LINGO2: variants seen among roughly 807,000 people sequenced by gnomAD.
LINGO2 encodes leucine-rich repeat and immunoglobulin-like domain-containing nogo receptor-interacting protein 2.
A neutral mutation model predicts 30.6 loss-of-function variants in LINGO2; 14 were observed. The observed-to-expected ratio is 0.46, with a 90% CI of 0.30 to 0.72. LINGO2 has a LOEUF of 0.72. Among genes scored for constraint, LINGO2 ranks in the 30% least tolerant of loss-of-function variants. The pLI, the probability that LINGO2 is intolerant of heterozygous loss-of-function variation, is 0.07. For synonymous variants in LINGO2, 317 were observed against 288.5 expected, an observed-to-expected ratio of 1.10 and a Z score of -1.00; for missense variants, 729 against 751.7, an observed-to-expected ratio of 0.97 and a Z score of 0.35.
intron 4 of LINGO2, among the ~76,000 whole-genome samples, chr9:28,019,695 C>T (rs1277763011): frequency 6.6e-6 from 1 of 151,942 alleles, no homozygotes; most frequent in African/African-American, 2.4e-5. Flanking sequence ...ACTGACTCTA[C>T]CATTCTATTT....
chr9:28,601,804 G>C (rs1211677337), intron 1 of LINGO2, among the ~76,000 whole-genome samples: 1 of 151,974 alleles, frequency 6.6e-6, no homozygotes, highest in Non-Finnish European at 1.5e-5. Context: ...AAGCTACCAA[G>C]TTTGCTTTAC....
In LINGO2 at chr9:28,589,688, G is replaced by A. The variant is rs1458498229; in HGVS notation, c.-365+80512C>T. 3.9e-5 allele frequency among the ~76,000 whole-genome samples: 6 copies of A among 152,022 alleles called. No homozygotes were observed. In the South Asian group the frequency reaches 1.0e-3, roughly 26 times the overall value. On this transcript the variant is annotated intron_variant, in intron 1 of 5. Coordinates refer to ENST00000379992, the Ensembl canonical transcript of LINGO2. ...AATGGAAGAACATTCCATGCTCATG[G>A]GTAGGAAGAATCAATATCGTGAAAA...
At chr9:28,689,147 A>G in the LINGO2 span, among the ~76,000 whole-genome samples, 1 of 152,204 alleles carries the variant, frequency 6.6e-6, no homozygotes, top group African/African-American at 2.4e-5. Context: ...AAGTGGCCCT[A>G]TTAGGGAAGT....
chr9:28,526,055 CAA>C (rs58629857), intron 1 of LINGO2, among the ~76,000 whole-genome samples: 565 of 48,468 alleles, frequency 0.012, 9 homozygotes, highest in African/African-American at 0.044. Context: ...GACTCCGTCT[CAA>C]AAAAAAAAAA....
the LINGO2 span, among the ~76,000 whole-genome samples, chr9:29,171,573 C>T: frequency 1.3e-5 from 2 of 151,702 alleles, no homozygotes; most frequent in Admixed American, 6.6e-5. Flanking sequence ...TATTAAATAA[C>T]TTGTAATAGC....
chr9:29,128,715 T>G, the LINGO2 span, among the ~76,000 whole-genome samples: 1 of 152,126 alleles, frequency 6.6e-6, no homozygotes, highest in Non-Finnish European at 1.5e-5. Flanking sequence ...TGTAACCATG[T>G]AAAACCAGTG....
chr9:28,770,973 A>G, the LINGO2 span, among the ~76,000 whole-genome samples: 28 of 152,208 alleles, frequency 1.8e-4, no homozygotes, highest in Non-Finnish European at 4.0e-4. Flanking sequence ...AGGCATAGAC[A>G]AGGATCACTT....
the LINGO2 span, among the ~76,000 whole-genome samples, chr9:28,691,732 C>A: frequency 6.6e-6 from 1 of 152,100 alleles, no homozygotes; most frequent in African/African-American, 2.4e-5. Flanking sequence ...TAATTCATAT[C>A]TCCATGTAGA....
chr9:28,891,073 T>C, the LINGO2 span, among the ~76,000 whole-genome samples: 1 of 152,030 alleles, frequency 6.6e-6, no homozygotes, highest in African/African-American at 2.4e-5. Context: ...TTGTGGCAAA[T>C]GCATATCACA....
At chr9:28,989,816 T>C in the LINGO2 span, among the ~76,000 whole-genome samples, 3 of 152,208 alleles carry the variant, frequency 2.0e-5, no homozygotes, top group Non-Finnish European at 4.4e-5. Flanking sequence ...TAAACATATG[T>C]AAATGTTTGC....
chr9:28,039,462 C>T (rs1370209631), intron 4 of LINGO2, among the ~76,000 whole-genome samples: 3 of 152,100 alleles, frequency 2.0e-5, no homozygotes, highest in East Asian at 1.9e-4. Flanking sequence ...TAAAGCTTAA[C>T]AAAGGAGATG....
intron 4 of LINGO2, among the ~76,000 whole-genome samples, chr9:28,142,157 C>CTTTT (rs3064726): frequency 7.4e-5 from 10 of 135,974 alleles, no homozygotes; most frequent in African/African-American, 2.7e-4. Context: ...CTTTCTTTGT[C>CTTTT]TTTTTTTTTT....
At chr9:28,322,884 C>G (rs1420307740) in intron 3 of LINGO2, among the ~76,000 whole-genome samples, 1 of 152,158 alleles carries the variant, frequency 6.6e-6, no homozygotes, top group Non-Finnish European at 1.5e-5. Context: ...TTTAAAATTT[C>G]TAGCTGAATA....
At chr9:28,749,991 A>T in the LINGO2 span, among the ~76,000 whole-genome samples, 1 of 152,134 alleles carries the variant, frequency 6.6e-6, no homozygotes, top group Non-Finnish European at 1.5e-5. Flanking sequence ...GATAAAGAAA[A>T]GGGAAAGCAG....
chr9:28,204,067 G>A (rs760762730), intron 4 of LINGO2, among the ~76,000 whole-genome samples: 2 of 152,144 alleles, frequency 1.3e-5, no homozygotes, highest in Admixed American at 1.3e-4. Flanking sequence ...AAGGGCTAGT[G>A]TTGCATGGAA....
At chr9:28,432,614 G>T (rs1823723131) in intron 2 of LINGO2, among the ~76,000 whole-genome samples, 1 of 152,010 alleles carries the variant, frequency 6.6e-6, no homozygotes, top group Non-Finnish European at 1.5e-5. Flanking sequence ...TAATTTGATT[G>T]CAGCTTCAGG....
At chr9:28,996,866 T>C in the LINGO2 span, among the ~76,000 whole-genome samples, 8 of 152,166 alleles carry the variant, frequency 5.3e-5, no homozygotes, top group Admixed American at 2.0e-4. Flanking sequence ...AAATCAAATA[T>C]TTTATGAACA....
At chr9:28,952,352 G>GT in the LINGO2 span, among the ~76,000 whole-genome samples, 1 of 152,108 alleles carries the variant, frequency 6.6e-6, no homozygotes, top group Non-Finnish European at 1.5e-5. Context: ...CTGTTTCTTA[G>GT]TTTTTTCATC....
intron 4 of LINGO2, among the ~76,000 whole-genome samples, chr9:28,064,741 G>A (rs1410636535): frequency 6.6e-6 from 1 of 152,072 alleles, no homozygotes; most frequent in Non-Finnish European, 1.5e-5. Flanking sequence ...CCTGAAAGGG[G>A]CTCACTTCCT....
Sources: allele counts gnomAD v4.1 joint callset (sites outside exome capture counted in the v4.1 genomes callset), GRCh38; gene constraint gnomAD v4.1.1; transcripts MANE v1.5; gene names NCBI Gene and HGNC (gene_info 2026-07-23, HGNC 2026-07-21).